PTPRD: variants seen among roughly 807,000 people sequenced by gnomAD.
The protein encoded by PTPRD is receptor-type tyrosine-protein phosphatase delta.
In PTPRD, 34 loss-of-function variants were observed where a neutral mutation model predicts 214.5. The observed-to-expected ratio is 0.16, with a 90% CI of 0.12 to 0.21. The LOEUF is 0.21. Ranked by LOEUF, PTPRD falls within the 10% of genes least tolerant of loss-of-function variation. The pLI is 1.00. For synonymous variants in PTPRD, 1,128 were observed against 845.7 expected (o/e 1.33, Z -5.79); for missense variants, 2,545 against 2,398.7 (o/e 1.06, Z -1.27).
intron 3 of PTPRD, among the ~76,000 whole-genome samples, chr9:10,225,287 T>C (rs2099585192): frequency 6.6e-6 from 1 of 152,186 alleles, no homozygotes; most frequent in South Asian, 2.1e-4. Context: ...ATGTTAAGTA[T>C]ATTCATAAAG....
At chr9:10,249,554 A>G (rs1401042195) in intron 3 of PTPRD, among the ~76,000 whole-genome samples, 3 of 152,206 alleles carry the variant, frequency 2.0e-5, no homozygotes, top group Non-Finnish European at 4.4e-5. Context: ...CTGGCCAACT[A>G]TAAGTTAGGT....
chr9:9,081,514 CT>C (rs1447335399), intron 10 of PTPRD, among the ~76,000 whole-genome samples: 1 of 152,066 alleles, frequency 6.6e-6, no homozygotes, highest in Non-Finnish European at 1.5e-5. Context: ...ACTAGGTCTT[CT>C]TCTTCCAGAG....
chr9:8,636,799 G>C lies in PTPRD; in HGVS notation c.110C>G (p.Ser37Cys), dbSNP rs2096449207. ...TRTPVDQTGV[S>C]GGVASFICQA... ...GCAGATGAAAGAGGCAACTCCGCCA[G>C]AGACCCCTGTCTGATCAACGGGTGT... is the stretch of plus-strand genomic sequence containing the variant. The change falls in exon 13 of 46, where the codon TCT becomes TGT. Residue 37 changes from serine to cysteine, a missense_variant. Transcript: ENST00000381196. 1.2e-6 allele frequency: 2 copies of C among 1,614,096 alleles called. No homozygotes were observed. Among genetic ancestry groups the C allele is most frequent in the Non-Finnish European group, 1.7e-6 (2 of 1,179,966 alleles).
chr9:8,453,854 C>T (rs1020468674), intron 33 of PTPRD, among the ~76,000 whole-genome samples: 11 of 152,086 alleles, frequency 7.2e-5, no homozygotes, highest in African/African-American at 2.7e-4. Context: ...CCAGAGGCCA[C>T]TCAATGGAAA....
chr9:8,604,013 TC>T (rs1457656573), intron 14 of PTPRD, among the ~76,000 whole-genome samples: 2 of 152,302 alleles, frequency 1.3e-5, no homozygotes, highest in African/African-American at 4.8e-5. Flanking sequence ...ACTACATATA[TC>T]CAAAATTAAA....
intron 3 of PTPRD, among the ~76,000 whole-genome samples, chr9:10,063,301 A>C (rs912202807): frequency 6.6e-6 from 1 of 152,084 alleles, no homozygotes; most frequent in African/African-American, 2.4e-5. Context: ...AGAGAAAATA[A>C]AGCATTTCTC....
rs147105822 is a variant in PTPRD, at chr9:10,053,700, G to C, written c.-544-19910C>G. On this transcript the variant is annotated intron_variant, in intron 3 of 45. Coordinates refer to ENST00000381196, the MANE Select transcript of PTPRD (RefSeq NM_002839.4). ...GATACATTTTACCATTCTAATTTAT[G>C]AAGATACTAGAAAGCTATGATATTA... is the stretch of plus-strand genomic sequence containing the variant. 1.2e-3 allele frequency among the ~76,000 whole-genome samples: 178 copies of C among 152,194 alleles called. 2 individuals are homozygous for C. The highest frequency in any genetic ancestry group is 2.0e-3 in the Admixed American group (31 of 15,264).
intron 3 of PTPRD, among the ~76,000 whole-genome samples, chr9:10,104,506 A>G (rs915252653): frequency 6.6e-6 from 1 of 151,766 alleles, no homozygotes; most frequent in Non-Finnish European, 1.5e-5. Context: ...TATATGCAAT[A>G]TGATTATGTA....
intron 2 of PTPRD, among the ~76,000 whole-genome samples, chr9:10,487,657 A>C (rs1566446976): frequency 6.6e-6 from 1 of 151,918 alleles, no homozygotes; most frequent in East Asian, 1.9e-4. Context: ...AACAATGAAT[A>C]CACATGGACA....
rs1478678480 is a variant in PTPRD at position 10,047,331 on chromosome 9, TGTGTGTGC to T, written c.-544-13549_-544-13542del. On this transcript the variant is annotated intron_variant, in intron 3 of 45. Transcript: ENST00000381196. ...AACTAACTGTGTGTGTGTGTGTGTGTGTGTGTGCGTGTGTGTGTGTGCTTGTGTGATAA... is the reference window on the plus strand; with the variant it reads ...AACTAACTGTGTGTGTGTGTGTGTGTGTGTGTGTGTGTGCTTGTGTGATAA... Among the ~76,000 whole-genome samples the T allele has an allele frequency of 1.0e-3, 153 of 150,846 alleles. 2 individuals carry two copies. The highest frequency in any genetic ancestry group is 3.5e-3 in the African/African-American group (145 of 41,102).
At chr9:9,947,324 ATT>A (rs1164816136) in intron 4 of PTPRD, among the ~76,000 whole-genome samples, 1 of 86,440 alleles carries the variant, frequency 1.2e-5, no homozygotes, top group African/African-American at 5.2e-5. Flanking sequence ...TATTATATAT[ATT>A]ATATATGTAT....
At chr9:8,359,658 C>G (rs79477894) in intron 39 of PTPRD, among the ~76,000 whole-genome samples, 9,911 of 152,130 alleles carry the variant, frequency 0.065, 424 homozygotes, top group Middle Eastern at 0.11. Context: ...TTAAAAGCCC[C>G]TAGGTGATTC....
At chr9:9,882,847 C>T (rs1423361045) in intron 5 of PTPRD, among the ~76,000 whole-genome samples, 1 of 152,084 alleles carries the variant, frequency 6.6e-6, no homozygotes, top group African/African-American at 2.4e-5. Context: ...GTGTTTCGGC[C>T]ACTGGGGTGA....
chr9:10,402,594 T>C (rs1243185184), intron 2 of PTPRD, among the ~76,000 whole-genome samples: 1 of 151,736 alleles, frequency 6.6e-6, no homozygotes, highest in Non-Finnish European at 1.5e-5. Context: ...ATGTTGTAAA[T>C]TATGTTATCC....
intron 9 of PTPRD, among the ~76,000 whole-genome samples, chr9:9,233,438 T>C (rs1430994709): frequency 2.6e-5 from 4 of 152,158 alleles, no homozygotes; most frequent in Non-Finnish European, 5.9e-5. Context: ...AGCCAAACCA[T>C]ATCATTCTGC....
At chr9:9,360,945 T>C (rs2139024913) in intron 9 of PTPRD, among the ~76,000 whole-genome samples, 1 of 151,202 alleles carries the variant, frequency 6.6e-6, no homozygotes, top group East Asian at 2.0e-4. Flanking sequence ...CCTTAAATTC[T>C]ACTAAAACGA....
intron 7 of PTPRD, among the ~76,000 whole-genome samples, chr9:9,631,838 G>A (rs926530382): frequency 5.3e-5 from 8 of 152,106 alleles, no homozygotes; most frequent in African/African-American, 1.9e-4. Context: ...TCAGCCACTT[G>A]CCGGGCAGTT....
chr9:9,862,823 C>A lies in PTPRD; in HGVS notation c.-368+75684G>T, dbSNP rs191395488. Among the ~76,000 whole-genome samples, 15 of 152,222 alleles carry A rather than the reference C, an allele frequency of 9.9e-5. No homozygotes were observed. The East Asian group carries it at 2.9e-3, about 29-fold the overall frequency. ...AAAGTATCTACAATTTTCTAAGATG[C>A]TTCTATTTAAGTCTTTCTGTATACA... On this transcript the variant is annotated intron_variant, in intron 5 of 45. Coordinates refer to ENST00000381196, the MANE Select transcript of PTPRD (RefSeq NM_002839.4).
At chr9:9,276,867 C>A (rs116113710) in intron 9 of PTPRD, among the ~76,000 whole-genome samples, 1 of 151,340 alleles carries the variant, frequency 6.6e-6, no homozygotes, top group Non-Finnish European at 1.5e-5. Flanking sequence ...CAAAGAGAGG[C>A]CATTTGCCTC....
Sources: gnomAD v4.1 joint callset for allele counts (sites outside exome capture counted in the v4.1 genomes callset) on GRCh38, gnomAD v4.1.1 for gene constraint, MANE v1.5 for transcripts, NCBI Gene and HGNC (gene_info 2026-07-23, HGNC 2026-07-21) for gene names.